The following NRG1 variants were observed in gnomAD, a reference collection of about 807,000 sequenced individuals.
NRG1 encodes the protein neuregulin 1, also known as pro-neuregulin-1, membrane-bound isoform.
A neutral mutation model predicts 63.8 loss-of-function variants in NRG1; 18 were observed. The observed-to-expected ratio is 0.28, with a 90% confidence interval of 0.19 to 0.42. The LOEUF (loss-of-function observed/expected upper bound fraction) is 0.42. Among genes scored for constraint, NRG1 ranks in the 10% least tolerant of loss-of-function variants. NRG1 has a pLI of 1.00. For synonymous variants in NRG1, 302 were observed against 301.3 expected (o/e 1.00, Z -0.02); for missense variants, 762 against 814.7 (o/e 0.94, Z 0.79).
At chr8:32,424,701 T>G (rs1817125309) in intron 1 of NRG1, among the ~76,000 whole-genome samples, 1 of 151,988 alleles carries the variant, frequency 6.6e-6, no homozygotes. Context: ...AAGGCCCCAT[T>G]TCTACAAAAA....
chr8:31,945,051 A>G (rs771416476), intron 1 of NRG1, among the ~76,000 whole-genome samples: 2 of 152,210 alleles, frequency 1.3e-5, no homozygotes, highest in Non-Finnish European at 2.9e-5. Context: ...ATTCCTGTTC[A>G]GAGACAGAGG....
intron 1 of NRG1, among the ~76,000 whole-genome samples, chr8:31,657,909 T>G (rs1160959144): frequency 6.6e-6 from 1 of 152,208 alleles, no homozygotes; most frequent in Admixed American, 6.5e-5. Flanking sequence ...AAGGTCTGGA[T>G]AGAATTCTAG....
intron 1 of NRG1, among the ~76,000 whole-genome samples, chr8:32,473,563 T>G (rs886423088): frequency 1.3e-5 from 2 of 152,234 alleles, no homozygotes; most frequent in African/African-American, 4.8e-5. Flanking sequence ...CTAGACCAAA[T>G]ATACCTAATT....
At chr8:32,241,756 A>AT (rs767301896) in intron 1 of NRG1, among the ~76,000 whole-genome samples, 2,083 of 144,108 alleles carry the variant, frequency 0.014, 42 homozygotes, top group African/African-American at 0.045. Flanking sequence ...CAAATGCCAC[A>AT]TTTTTTTTTT....
chr8:32,468,929 A>G (rs1329419412), intron 1 of NRG1, among the ~76,000 whole-genome samples: 1 of 152,194 alleles, frequency 6.6e-6, no homozygotes, highest in Non-Finnish European at 1.5e-5. Context: ...CATTCGATAG[A>G]TATCTTCTGA....
chr8:32,290,646 C>T (rs150458456), intron 1 of NRG1, among the ~76,000 whole-genome samples: 3 of 152,260 alleles, frequency 2.0e-5, no homozygotes, highest in Non-Finnish European at 2.9e-5. Context: ...ACCATATTCA[C>T]GATATCGAAG....
downstream of NRG1, among the ~76,000 whole-genome samples, chr8:32,771,046 A>G (rs2129066651): frequency 6.6e-6 from 1 of 152,304 alleles, no homozygotes; most frequent in East Asian, 1.9e-4. Flanking sequence ...TAACAACAGT[A>G]TGTTGAGAAA....
At chr8:32,440,959 T>C (rs1451763984) in intron 1 of NRG1, among the ~76,000 whole-genome samples, 1 of 152,152 alleles carries the variant, frequency 6.6e-6, no homozygotes, top group South Asian at 2.1e-4. Context: ...TGACATAGAA[T>C]TGTGTATTTA....
intron 1 of NRG1, among the ~76,000 whole-genome samples, chr8:31,862,952 C>A (rs1828606500): frequency 6.6e-6 from 1 of 152,180 alleles, no homozygotes; most frequent in Admixed American, 6.5e-5. Flanking sequence ...CTGCACAGTT[C>A]CTCCTTTGAT....
intron 1 of NRG1, among the ~76,000 whole-genome samples, chr8:32,567,540 T>G (rs1837688208): frequency 6.6e-6 from 1 of 152,236 alleles, no homozygotes; most frequent in African/African-American, 2.4e-5. Context: ...GGGAGAGTGT[T>G]GCAGCCTGGT....
At chr8:31,697,238 T>C (rs1810164689) in intron 1 of NRG1, among the ~76,000 whole-genome samples, 1 of 152,182 alleles carries the variant, frequency 6.6e-6, no homozygotes, top group Non-Finnish European at 1.5e-5. Flanking sequence ...AATTGAATCA[T>C]TGGAGACCAA....
intron 10 of NRG1, 116 bp downstream of exon 10, chr8:32,759,552 CAGATTT>C: frequency 7.8e-7 from 1 of 1,284,924 alleles, no homozygotes; most frequent in Non-Finnish European, 1.1e-6. Flanking sequence ...TGGGCAGCAA[CAGATTT>C]TGAAAATCAA....
At chr8:32,672,840 G>GA (rs1229972860) in intron 5 of NRG1, among the ~76,000 whole-genome samples, 2 of 151,970 alleles carry the variant, frequency 1.3e-5, no homozygotes, top group East Asian at 1.9e-4. Context: ...AGAATGTTGA[G>GA]AAAAAAACCT....
At position 32,537,789 on chromosome 8, in the gene NRG1, G is replaced by A. The variant is rs181395922; in HGVS notation, c.38-58039G>A. On this transcript the variant is annotated intron_variant, in intron 1 of 10. Coordinates refer to the NRG1 transcript ENST00000519301. ...GCAGCAGAGTCAGAGTTCAAAGCTC[G>A]GTCAGATACACCAGTGCTTTTTCAA... Among the ~76,000 whole-genome samples the A allele has an allele frequency of 7.2e-5, 11 of 152,234 alleles. No individual in the cohort carries two copies. The East Asian group carries it at 1.9e-3, about 27-fold the overall frequency.
intron 1 of NRG1, among the ~76,000 whole-genome samples, chr8:32,505,055 G>A (rs141012010): frequency 6.6e-6 from 1 of 152,266 alleles, no homozygotes; most frequent in African/African-American, 2.4e-5. Context: ...CTTTCAAGTA[G>A]TCCCTTTAAA....
intron 1 of NRG1, among the ~76,000 whole-genome samples, chr8:32,538,743 A>G (rs1832276887): frequency 6.6e-6 from 1 of 152,254 alleles, no homozygotes; most frequent in Non-Finnish European, 1.5e-5. Context: ...ATTGTGAATT[A>G]TCTGCATACG....
At chr8:32,515,707 TG>T (rs1415725336) in intron 1 of NRG1, among the ~76,000 whole-genome samples, 6 of 152,208 alleles carry the variant, frequency 3.9e-5, no homozygotes, top group African/African-American at 1.2e-4. Flanking sequence ...CCAGAAGTGT[TG>T]GGATTACAGG....
At chr8:32,564,310 G>T (rs1298854070) in intron 1 of NRG1, among the ~76,000 whole-genome samples, 1 of 152,186 alleles carries the variant, frequency 6.6e-6, no homozygotes, top group Non-Finnish European at 1.5e-5. Context: ...ATATATTTAA[G>T]TCTATCACCT....
intron 1 of NRG1, among the ~76,000 whole-genome samples, chr8:31,784,859 G>A (rs1820028348): frequency 3.3e-5 from 5 of 152,206 alleles, no homozygotes; most frequent in Admixed American, 2.0e-4. Flanking sequence ...ATTCCAAAAT[G>A]TAGGAAGATC....
Sources: allele counts gnomAD v4.1 joint callset (sites outside exome capture counted in the v4.1 genomes callset), GRCh38; gene constraint gnomAD v4.1.1; transcripts MANE v1.5; gene names NCBI Gene and HGNC (gene_info 2026-07-23, HGNC 2026-07-21).